TNS1: variants seen among roughly 807,000 people sequenced by gnomAD.
The protein encoded by TNS1 is tensin-1.
TNS1 carries 62 observed loss-of-function variants against 168.6 expected under a neutral mutation model. The observed-to-expected ratio is 0.37, with a 90% CI of 0.30 to 0.45. The LOEUF (loss-of-function observed/expected upper bound fraction) is 0.45. TNS1 is among the 20% of genes least tolerant of loss of function. The probability of loss-of-function intolerance (pLI) is 1.00; values close to 1 mark genes in which losing one functional copy is unlikely to be tolerated. For synonymous variants in TNS1, 934 were observed against 933.2 expected, an observed-to-expected ratio of 1.00 and a Z score of -0.02; for missense variants, 2,240 against 2,339.4, an observed-to-expected ratio of 0.96 and a Z score of 0.88.
At chr2:217,837,399 G>A (rs1014292395) in intron 19 of TNS1, among the ~76,000 whole-genome samples, 8 of 152,208 alleles carry the variant, frequency 5.3e-5, no homozygotes, top group Admixed American at 5.2e-4. Context: ...CGCCACCTGG[G>A]AAGCCTTCCT....
chr2:217,945,776 CCAA>C (rs1249041036), intron 3 of TNS1, among the ~76,000 whole-genome samples: 2 of 152,152 alleles, frequency 1.3e-5, no homozygotes, highest in Admixed American at 1.3e-4. Context: ...AAAGGTGACC[CCAA>C]CAACATTATC....
intron 18 of TNS1, among the ~76,000 whole-genome samples, chr2:217,851,884 C>G (rs943887782): frequency 3.9e-5 from 6 of 152,198 alleles, no homozygotes; most frequent in Non-Finnish European, 5.9e-5. Flanking sequence ...TGACTCATGC[C>G]TGTAATCCCA....
chr2:217,884,153 G>T (rs1950959815), intron 16 of TNS1, among the ~76,000 whole-genome samples: 1 of 146,066 alleles, frequency 6.8e-6, no homozygotes, highest in African/African-American at 2.8e-5. Flanking sequence ...GTGGGTGGAT[G>T]GATGGATGGA....
intron 18 of TNS1, among the ~76,000 whole-genome samples, chr2:217,879,861 A>C (rs1251221606): frequency 6.6e-6 from 1 of 152,204 alleles, no homozygotes; most frequent in Non-Finnish European, 1.5e-5. Flanking sequence ...CAGGGGCCCC[A>C]GGATGGCACA....
At chr2:217,966,162 A>C (rs896473418) in intron 3 of TNS1, among the ~76,000 whole-genome samples, 4 of 152,088 alleles carry the variant, frequency 2.6e-5, no homozygotes, top group Admixed American at 2.0e-4. Context: ...ACGCTGAAAA[A>C]TATGAGACCT....
rs1042851090 is a variant in TNS1 at position 217,898,413 on chromosome 2, G to A, written c.372-444C>T. Among the ~76,000 whole-genome samples the A allele has an allele frequency of 3.9e-5, 6 of 152,200 alleles. No individual in the cohort carries two copies. In the East Asian group the frequency reaches 5.8e-4, roughly 15 times the overall value. ...AGAGGAAGGAGAGCCTGCGCTGGGC[G>A]CTCTCCAGCCCTGGAACGGAGACTT... is the stretch of plus-strand genomic sequence containing the variant. On this transcript the variant is annotated intron_variant, in intron 7 of 32. Transcript: ENST00000682258.
At position 217,858,671 on chromosome 2, in the gene TNS1, T is replaced by TACAC. The variant is rs60953913; in HGVS notation, c.1430-9588_1430-9585dup. 2.7e-3 allele frequency: 410 copies of TACAC among 149,316 alleles called. 4 individuals are homozygous for TACAC. The highest frequency in any genetic ancestry group is 4.9e-3 in the African/African-American group (139 of 28,444). 9.2% of individuals were successfully genotyped at this position (149,316 alleles called of 1,614,324 possible). A position where few individuals can be genotyped will look rare whatever the true frequency, so the allele number is the denominator to read the frequency against. Reference sequence around the variant, plus strand: ...AGCCAGTGCCGCCTGCCTGCCCATGTACACACACACACACACACACACACA... The same window carrying TACAC: ...AGCCAGTGCCGCCTGCCTGCCCATGTACACACACACACACACACACACACACACA... On this transcript the variant is annotated intron_variant, in intron 18 of 32. Transcript: ENST00000682258.
chr2:217,879,463 G>C (rs1293386186), intron 18 of TNS1: 2 of 454,414 alleles, frequency 4.4e-6, no homozygotes, highest in Non-Finnish European at 8.8e-6. Context: ...AGCCTGGGGG[G>C]TCGGAGGGGC....
At chr2:217,998,363 T>C (rs1007959315) in intron 1 of TNS1, among the ~76,000 whole-genome samples, 8 of 152,168 alleles carry the variant, frequency 5.3e-5, no homozygotes, top group African/African-American at 1.7e-4. Flanking sequence ...AACGAAATCA[T>C]GTCCTGTCGT....
At chr2:217,873,505 C>G (rs979429790) in intron 18 of TNS1, among the ~76,000 whole-genome samples, 2 of 152,166 alleles carry the variant, frequency 1.3e-5, no homozygotes, top group Non-Finnish European at 2.9e-5. Context: ...GCCACCTCAA[C>G]CCGGGTCTTT....
chr2:217,815,046 C>T (rs1271182677), intron 24 of TNS1, 48 bp from the exon 25 acceptor site: 2 of 1,489,356 alleles, frequency 1.3e-6, no homozygotes, highest in Non-Finnish European at 1.9e-6. Context: ...ATTGTGTTCA[C>T]CCAAAACATA....
intron 1 of TNS1, among the ~76,000 whole-genome samples, chr2:217,991,665 G>A (rs748789405): frequency 4.6e-5 from 7 of 152,000 alleles, no homozygotes; most frequent in Admixed American, 6.6e-5. Context: ...GCCGTGCGCC[G>A]TCCCATTGTG....
chr2:217,856,715 TA>T (rs1948182211), intron 18 of TNS1, among the ~76,000 whole-genome samples: 1 of 152,014 alleles, frequency 6.6e-6, no homozygotes, highest in Non-Finnish European at 1.5e-5. Context: ...GATTTTTTGG[TA>T]AAAATAGCTC....
intron 18 of TNS1, among the ~76,000 whole-genome samples, chr2:217,870,694 C>T (rs1440970555): frequency 6.6e-6 from 1 of 152,176 alleles, no homozygotes; most frequent in Non-Finnish European, 1.5e-5. Flanking sequence ...AGCCTGCACC[C>T]GATGGCAGAG....
intron 1 of TNS1, among the ~76,000 whole-genome samples, chr2:217,998,660 C>G (rs1336316511): frequency 6.6e-6 from 1 of 152,140 alleles, no homozygotes; most frequent in East Asian, 1.9e-4. Flanking sequence ...CCACCATGCC[C>G]AGATAACTTA....
intron 1 of TNS1, among the ~76,000 whole-genome samples, chr2:218,023,175 G>C (rs942033031): frequency 3.3e-5 from 5 of 152,190 alleles, no homozygotes. Context: ...CCCCACTAAA[G>C]GGTCTAGGCT....
chr2:217,865,720 T>C (rs992251035), intron 18 of TNS1, among the ~76,000 whole-genome samples: 2 of 152,170 alleles, frequency 1.3e-5, no homozygotes, highest in East Asian at 1.9e-4. Flanking sequence ...GGCCCAGGGA[T>C]TGAACAACTG....
chr2:217,827,448 T>G (rs1353254133), intron 22 of TNS1, among the ~76,000 whole-genome samples: 1 of 152,128 alleles, frequency 6.6e-6, no homozygotes, highest in African/African-American at 2.4e-5. Flanking sequence ...ACCCGGGCAG[T>G]GGCACATGAG....
chr2:217,909,892 G>T (rs945796795), intron 4 of TNS1, among the ~76,000 whole-genome samples: 2 of 152,178 alleles, frequency 1.3e-5, no homozygotes, highest in Non-Finnish European at 2.9e-5. Flanking sequence ...TCCTCAACAG[G>T]CCCGCACAGG....
Sources: gnomAD v4.1 joint callset for allele counts (sites outside exome capture counted in the v4.1 genomes callset) on GRCh38, gnomAD v4.1.1 for gene constraint, MANE v1.5 for transcripts, NCBI Gene and HGNC (gene_info 2026-07-23, HGNC 2026-07-21) for gene names.